The following ZFYVE9 variants were observed in gnomAD, a reference collection of about 807,000 sequenced individuals.
ZFYVE9 encodes zinc finger FYVE-type containing 9.
ZFYVE9 carries 43 observed loss-of-function variants against 126.7 expected under a neutral mutation model. The ratio of observed to expected loss-of-function variants is 0.34; its 90% CI spans 0.27 to 0.44. ZFYVE9 has a LOEUF of 0.44. Among genes scored for constraint, ZFYVE9 ranks in the 20% least tolerant of loss-of-function variants. The pLI is 1.00. For missense variants in ZFYVE9, 1,476 were observed against 1,697.0 expected (o/e 0.87, Z 2.29); for synonymous variants, 521 against 597.4 (o/e 0.87, Z 1.87).
chr1:52,179,072 G>A (rs1644669769), intron 1 of ZFYVE9, among the ~76,000 whole-genome samples: 1 of 152,114 alleles, frequency 6.6e-6, no homozygotes, highest in Admixed American at 6.6e-5. Context: ...CCAAAATGCT[G>A]GAATTATAGA....
chr1:52,234,924 A>G (rs555406072), intron 3 of ZFYVE9, among the ~76,000 whole-genome samples: 2 of 152,338 alleles, frequency 1.3e-5, no homozygotes, highest in South Asian at 4.1e-4. Context: ...ACACCTAATC[A>G]TGTGAATACT....
intron 2 of ZFYVE9, among the ~76,000 whole-genome samples, chr1:52,231,428 G>A (rs930793481): frequency 6.6e-6 from 1 of 151,882 alleles, no homozygotes; most frequent in Non-Finnish European, 1.5e-5. Context: ...TGAGGCAGGA[G>A]AATCGCTTGA....
At chr1:52,288,530 A>G (rs1443382569) in intron 10 of ZFYVE9, among the ~76,000 whole-genome samples, 2 of 152,256 alleles carry the variant, frequency 1.3e-5, no homozygotes, top group Non-Finnish European at 2.9e-5. Context: ...TTTATGAAGT[A>G]GTCATGCATA....
chr1:52,276,413 A>G (rs566425768), intron 8 of ZFYVE9, among the ~76,000 whole-genome samples: 2 of 152,296 alleles, frequency 1.3e-5, no homozygotes, highest in South Asian at 4.1e-4. Flanking sequence ...CCTGACTTTT[A>G]ATGCCAGTAC....
chr1:52,187,807 T>C (rs1644778506), intron 1 of ZFYVE9, among the ~76,000 whole-genome samples: 1 of 152,182 alleles, frequency 6.6e-6, no homozygotes. Context: ...TAATAACAGA[T>C]GCTGACAAGG....
intron 1 of ZFYVE9, chr1:52,162,075 C>T (rs536881928): frequency 1.2e-3 from 174 of 141,194 alleles, no homozygotes; most frequent in Non-Finnish European, 2.2e-3. Flanking sequence ...TTCTTAAAGA[C>T]TAGGAAGAAT....
At chr1:52,334,478 A>C (rs1646371605) in intron 14 of ZFYVE9, among the ~76,000 whole-genome samples, 1 of 152,162 alleles carries the variant, frequency 6.6e-6, no homozygotes. Context: ...ACAAAACAAA[A>C]TGGGGGAGTG....
At chr1:52,180,264 G>A in intron 1 of ZFYVE9, 1 of 1,601,524 alleles carries the variant, frequency 6.2e-7, no homozygotes, top group Non-Finnish European at 8.5e-7. Flanking sequence ...GTTTCCTGAT[G>A]TCAAATTTAT....
intron 13 of ZFYVE9, among the ~76,000 whole-genome samples, chr1:52,319,468 C>T (rs2762826): frequency 0.93 from 141,697 of 151,860 alleles, 66,168 homozygotes; most frequent in East Asian, 1. Flanking sequence ...CTACTAAAAA[C>T]ACAAAATTAG....
chr1:52,195,804 TC>T (rs561060110), intron 1 of ZFYVE9, among the ~76,000 whole-genome samples: 1 of 151,796 alleles, frequency 6.6e-6, no homozygotes, highest in African/African-American at 2.4e-5. Context: ...TTTTTTTTTT[TC>T]CCTCCAAGGC....
chr1:52,337,955 C>G, intron 16 of ZFYVE9, 21 bp downstream of exon 16: 4 of 1,609,018 alleles, frequency 2.5e-6, no homozygotes, highest in Non-Finnish European at 3.4e-6. Flanking sequence ...CACATGTCCC[C>G]CTTTGTGGCT....
intron 4 of ZFYVE9, chr1:52,253,665 G>T (rs886669807): frequency 1.8e-5 from 29 of 1,586,644 alleles, no homozygotes; most frequent in Non-Finnish European, 2.5e-5. Context: ...ACCCTGAGCA[G>T]TTGGAAAAGA....
chr1:52,323,229 C>G (rs544824504), intron 13 of ZFYVE9, among the ~76,000 whole-genome samples: 1 of 152,198 alleles, frequency 6.6e-6, no homozygotes, highest in East Asian at 1.9e-4. Context: ...GCACGTATCC[C>G]CATGCAGTGG....
At chr1:52,332,436 CAG>C (rs1646350994) in intron 13 of ZFYVE9, among the ~76,000 whole-genome samples, 1 of 152,110 alleles carries the variant, frequency 6.6e-6, no homozygotes, top group African/African-American at 2.4e-5. Context: ...TATATATCCT[CAG>C]AGAATCCAGT....
intron 1 of ZFYVE9, among the ~76,000 whole-genome samples, chr1:52,200,266 C>T (rs181487771): frequency 6.6e-6 from 1 of 152,178 alleles, no homozygotes; most frequent in Admixed American, 6.6e-5. Context: ...GCAGCCTTGA[C>T]CTCCCAGGCT....
intron 10 of ZFYVE9, among the ~76,000 whole-genome samples, chr1:52,291,128 G>C (rs781401341): frequency 6.6e-6 from 1 of 152,260 alleles, no homozygotes; most frequent in East Asian, 1.9e-4. Flanking sequence ...GGTAATCCTG[G>C]AGCAAGAGTA....
intron 7 of ZFYVE9, 141 bp from the exon 8 acceptor site, chr1:52,274,323 G>A: frequency 9.8e-7 from 1 of 1,015,366 alleles, no homozygotes; most frequent in South Asian, 2.1e-5. Flanking sequence ...TTTAATCCAT[G>A]GGTTAATGAA....
chr1:52,250,428 G>A (rs12043446), intron 4 of ZFYVE9, among the ~76,000 whole-genome samples: 43 of 152,086 alleles, frequency 2.8e-4, no homozygotes, highest in Non-Finnish European at 5.6e-4. Flanking sequence ...TTCATTATTA[G>A]TATGTAGAAA....
intron 1 of ZFYVE9, among the ~76,000 whole-genome samples, chr1:52,182,341 G>A (rs981294224): frequency 2.6e-5 from 4 of 152,078 alleles, no homozygotes; most frequent in East Asian, 1.9e-4. Flanking sequence ...TGAGAAATCA[G>A]ATGGTTGCTG....
Sources: allele counts gnomAD v4.1 joint callset (sites outside exome capture counted in the v4.1 genomes callset), GRCh38; gene constraint gnomAD v4.1.1; transcripts MANE v1.5; gene names NCBI Gene and HGNC (gene_info 2026-07-23, HGNC 2026-07-21).